The following FSHR variants were observed in gnomAD, a reference collection of about 807,000 sequenced individuals.
The protein encoded by FSHR is follicle-stimulating hormone receptor.
In FSHR, 46 loss-of-function variants were observed where a neutral mutation model predicts 52.1. That is an observed-to-expected ratio of 0.88 (90% CI 0.70 to 1.13). The LOEUF (loss-of-function observed/expected upper bound fraction) is 1.13. FSHR is among the 50% of genes most tolerant of loss of function. FSHR has a pLI of 0.00. For missense variants in FSHR, 964 were observed against 834.6 expected, an observed-to-expected ratio of 1.16 and a Z score of -1.91; for synonymous variants, 399 against 309.6, an observed-to-expected ratio of 1.29 and a Z score of -3.03.
At chr2:49,142,878 C>T (rs1344947243) in intron 1 of FSHR, among the ~76,000 whole-genome samples, 1 of 151,982 alleles carries the variant, frequency 6.6e-6, no homozygotes, top group African/African-American at 2.4e-5. Context: ...GTGACATGTG[C>T]GTTTATACAG....
intron 4 of FSHR, among the ~76,000 whole-genome samples, chr2:49,016,309 G>C (rs1030611066): frequency 2.0e-5 from 3 of 152,164 alleles, no homozygotes; most frequent in African/African-American, 7.2e-5. Flanking sequence ...TTGTGACTTT[G>C]CAGCTTTTCC....
At chr2:49,072,388 G>C (rs1380686802) in intron 1 of FSHR, among the ~76,000 whole-genome samples, 2 of 152,176 alleles carry the variant, frequency 1.3e-5, no homozygotes, top group East Asian at 3.9e-4. Context: ...ACCTCTAGCA[G>C]AAATTTGTAG....
In FSHR at chr2:48,983,001, G is replaced by A. The variant is rs758084909; in HGVS notation, c.594-15C>T. On this transcript the variant is annotated splice_polypyrimidine_tract_variant and intron_variant, in intron 7 of 9. Coordinates refer to ENST00000406846, the MANE Select transcript of FSHR (RefSeq NM_000145.4). ...CGCTTAGATTCCTGGGGATGGGGTT[G>A]AGGAAAGAAGAAGGAAAACACAAAG... 1 of 1,612,410 alleles carries A rather than the reference G, an allele frequency of 6.2e-7. No individual in the cohort carries two copies. Among genetic ancestry groups the A allele is most frequent in the South Asian group, 1.1e-5 (1 of 91,048 alleles).
intron 4 of FSHR, chr2:49,014,937 A>C: frequency 2.1e-6 from 1 of 470,150 alleles, no homozygotes. Context: ...AAAACAAAAG[A>C]AGAGAAGGAT....
At chr2:49,032,681 A>G (rs936625912) in intron 2 of FSHR, among the ~76,000 whole-genome samples, 6 of 152,298 alleles carry the variant, frequency 3.9e-5, no homozygotes, top group Admixed American at 3.9e-4. Flanking sequence ...AAGGCACAGA[A>G]AAGTTAGGTG....
Position 49,067,010 on chromosome 2 carries a change from T to C in FSHR, c.224+1209A>G, listed in dbSNP as rs987605169. On this transcript the variant is annotated intron_variant, in intron 2 of 9. Transcript: ENST00000406846. ...CCCCATCTTCTAATCCCTGTGATAG[T>C]TGAATGTCCTCAATGAGGTAAACCC... 2.6e-5 allele frequency among the ~76,000 whole-genome samples: 4 copies of C among 152,074 alleles called. No individual in the cohort carries two copies. In the East Asian group the frequency reaches 7.7e-4, roughly 29 times the overall value.
chr2:48,967,378 T>C (rs555246748), intron 9 of FSHR, among the ~76,000 whole-genome samples: 12 of 152,268 alleles, frequency 7.9e-5, no homozygotes, highest in African/African-American at 2.9e-4. Context: ...GGGTTATGGG[T>C]GTCAGCCACC....
intron 1 of FSHR, among the ~76,000 whole-genome samples, chr2:49,107,814 A>T (rs1671284387): frequency 6.6e-6 from 1 of 152,140 alleles, no homozygotes; most frequent in South Asian, 2.1e-4. Context: ...AACAGCAGAG[A>T]TGAAGTTTGG....
At position 49,127,895 on chromosome 2, in the gene FSHR, C is replaced by CTT. The variant is rs750861663; in HGVS notation, c.152+26369_152+26370dup. Among the ~76,000 whole-genome samples, 3 of 22,210 alleles carry CTT rather than the reference C, an allele frequency of 1.4e-4. 1 individual carries two copies. The highest frequency in any genetic ancestry group is 1.2e-3 in the Admixed American group (2 of 1,718). The allele number at this position is 22,210 out of a possible 152,430, so 14.6% of individuals were successfully genotyped here. A position where few individuals can be genotyped will look rare whatever the true frequency, so the allele number is the denominator to read the frequency against. On this transcript the variant is annotated intron_variant, in intron 1 of 9. Coordinates refer to ENST00000406846, the MANE Select transcript of FSHR (RefSeq NM_000145.4). ...TCTTCTTCTTCTTCTTCTTCTTCTT[C>CTT]TTCTTTTTTTTTTTTGAGACGGAGT...
At chr2:49,021,863 C>CTCTCTCTCTCTATATATATATA (rs1467766420) in intron 2 of FSHR, among the ~76,000 whole-genome samples, 2 of 49,860 alleles carry the variant, frequency 4.0e-5, no homozygotes, top group Non-Finnish European at 7.4e-5. Context: ...CTCTCTCTCT[C>CTCTCTCTCTCTATATATATATA]TATATATATA....
chr2:49,060,925 A>G lies in FSHR; in HGVS notation c.224+7294T>C, dbSNP rs183295448. Among the ~76,000 whole-genome samples, 389 of 152,196 alleles carry G rather than the reference A, an allele frequency of 2.6e-3. 3 individuals are homozygous for G. Among genetic ancestry groups the G allele is most frequent in the African/African-American group, 8.7e-3 (363 of 41,540 alleles). On this transcript the variant is annotated intron_variant, in intron 2 of 9. Coordinates refer to ENST00000406846, the MANE Select transcript of FSHR (RefSeq NM_000145.4). Reference sequence around the variant, plus strand: ...GCTAAGCCCCACCATTCCAGGGTCTATGGTCACTACTGCAAAGTGCCTCAT... The same window carrying G: ...GCTAAGCCCCACCATTCCAGGGTCTGTGGTCACTACTGCAAAGTGCCTCAT...
chr2:48,973,678 G>C (rs564855146), intron 8 of FSHR, among the ~76,000 whole-genome samples: 2 of 152,294 alleles, frequency 1.3e-5, no homozygotes, highest in South Asian at 4.1e-4. Context: ...AAGGTATAAG[G>C]CTCTCGCATT....
Position 49,119,065 on chromosome 2 carries a change from C to T in FSHR, c.152+35201G>A, listed in dbSNP as rs181405351. On this transcript the variant is annotated intron_variant, in intron 1 of 9. Transcript: ENST00000406846. ...TCCTACCAGCGTTTGGGGACCTCCA[C>T]GTTACATGGGCAGTGGACATCAGTG... 2.1e-3 allele frequency among the ~76,000 whole-genome samples: 313 copies of T among 152,314 alleles called. 11 individuals carry two copies. Among genetic ancestry groups the T allele is most frequent in the Admixed American group, 0.019 (298 of 15,292 alleles).
intron 1 of FSHR, among the ~76,000 whole-genome samples, chr2:49,144,741 A>G (rs886534948): frequency 2.0e-5 from 3 of 152,208 alleles, no homozygotes; most frequent in African/African-American, 7.2e-5. Context: ...ATTAGCTTTG[A>G]TGGGTACATG....
chr2:49,153,826 A>T, intron 1 of FSHR, among the ~76,000 whole-genome samples: 1 of 152,168 alleles, frequency 6.6e-6, no homozygotes, highest in East Asian at 1.9e-4. Flanking sequence ...AAAACGACAA[A>T]GACTATGGCC....
intron 2 of FSHR, among the ~76,000 whole-genome samples, chr2:49,028,969 G>T (rs1668006067): frequency 6.6e-6 from 1 of 152,182 alleles, no homozygotes; most frequent in Non-Finnish European, 1.5e-5. Flanking sequence ...CTAGTACCCT[G>T]GGTGGTTGCT....
At chr2:49,032,627 G>A (rs1456935657) in intron 2 of FSHR, among the ~76,000 whole-genome samples, 1 of 152,166 alleles carries the variant, frequency 6.6e-6, no homozygotes, top group African/African-American at 2.4e-5. Context: ...CGAAATAAAT[G>A]AAAAGCACAA....
At chr2:49,021,863 C>CTCTCTCTCTCTATATATATA (rs1467766420) in intron 2 of FSHR, among the ~76,000 whole-genome samples, 1 of 49,864 alleles carries the variant, frequency 2.0e-5, no homozygotes, top group African/African-American at 8.2e-5. Flanking sequence ...CTCTCTCTCT[C>CTCTCTCTCTCTATATATATA]TATATATATA....
rs1667638039 is a variant in FSHR at position 49,020,165 on chromosome 2, G to A, written c.225-5C>T. The A allele has an allele frequency of 6.2e-7, 1 of 1,611,166 alleles. No homozygotes were observed. Among genetic ancestry groups the A allele is most frequent in the Non-Finnish European group, 8.5e-7 (1 of 1,177,496 alleles). On this transcript the variant is annotated splice_region_variant and splice_polypyrimidine_tract_variant and intron_variant, in intron 2 of 9. Coordinates refer to ENST00000406846, the MANE Select transcript of FSHR (RefSeq NM_000145.4). The stretch of plus-strand genomic sequence containing the variant: ...ACATCATTCTGAGAGATCTCTCTGT[G>A]GAGAAAAAAATATATAAGTCAAGCC...
Sources: allele counts gnomAD v4.1 joint callset (sites outside exome capture counted in the v4.1 genomes callset), GRCh38; gene constraint gnomAD v4.1.1; transcripts MANE v1.5; gene names NCBI Gene and HGNC (gene_info 2026-07-23, HGNC 2026-07-21).